Variants in TUT7 observed in about 807,000 individuals in gnomAD.
TUT7 encodes the protein terminal uridylyl transferase 7.
TUT7 carries 33 observed loss-of-function variants against 165.9 expected under a neutral mutation model. The observed-to-expected ratio is 0.20, with a 90% confidence interval of 0.15 to 0.27. The LOEUF (loss-of-function observed/expected upper bound fraction) is 0.27, where lower values mean the gene tolerates loss of function less well. Ranked by LOEUF, TUT7 falls within the 10% of genes least tolerant of loss-of-function variation. The pLI, the probability that TUT7 is intolerant of heterozygous loss-of-function variation, is 1.00. For synonymous variants in TUT7, 552 were observed against 608.1 expected (o/e 0.91, Z 1.36); for missense variants, 1,338 against 1,762.3 (o/e 0.76, Z 4.31).
intron 9 of TUT7, among the ~76,000 whole-genome samples, chr9:86,338,151 T>C (rs974641171): frequency 1.3e-5 from 2 of 152,190 alleles, no homozygotes; most frequent in African/African-American, 2.4e-5. Flanking sequence ...TCTATTGTTA[T>C]TGATATACCT....
chr9:86,298,714 A>G (rs1326227094), intron 26 of TUT7: 2 of 875,388 alleles, frequency 2.3e-6, no homozygotes, highest in East Asian at 1.2e-4. Context: ...GCATGTGGTA[A>G]AGTATGCAGT....
In TUT7 at chr9:86,346,348, T is replaced by G; in HGVS notation, c.653A>C (p.Gln218Pro). 1 of 1,614,144 alleles carries G rather than the reference T, an allele frequency of 6.2e-7. No homozygotes were observed. Among genetic ancestry groups the G allele is most frequent in the East Asian group, 2.2e-5 (1 of 44,876 alleles). ...VLSTKELLGL[Q>P]QAEERLKRDC... ...TCTCTTCAGTCTCTCCTCAGCCTGC[T>G]GTAAGCCTAGCAGCTCCTTCGTTGA... is the stretch of plus-strand genomic sequence containing the variant. The change falls in exon 3 of 27, where the codon CAG becomes CCG. Residue 218 changes from glutamine (Q) to proline (P), a missense_variant. This residue lies in a region of TUT7 where 434 missense variants were observed against 480.8 expected (regional missense o/e 0.90). Transcript: ENST00000375963.
Position 86,322,352 on chromosome 9 carries a change from A to G in TUT7, c.3001T>C (p.Leu1001=). The part of the protein sequence containing the change: ...PPLTPKFLNI[L]DQVCIQCYKD... ...TAACACTGGATACAGACTTGATCTA[A>G]GATATTTAAAAACTTGGGTGTTAAT... is the stretch of plus-strand genomic sequence containing the variant. Residue 1001 remains leucine, a synonymous_variant, in exon 14 of 27, where the codon TTA becomes CTA. Transcript: ENST00000375963. The G allele has an allele frequency of 6.2e-7, 1 of 1,614,046 alleles. No homozygotes were observed.
rs1198161562 is a variant in TUT7, at chr9:86,323,639, A to C, written c.2111T>G (p.Phe704Cys). ...PLTLKETAES[F>C]GSPPKEEMGN... is the part of the protein sequence containing the mutation. ...CATTTCTTCTTTTGGTGGGCTTCCA[A>C]AACTTTCAGCAGTCTCTTTAAGAGT... Residue 704 changes from phenylalanine (F) to cysteine (C), a missense_variant, in exon 13 of 27, where the codon TTT becomes TGT. Transcript: ENST00000375963. The C allele has an allele frequency of 6.2e-7, 1 of 1,614,236 alleles. No individual in the cohort carries two copies. Among genetic ancestry groups the C allele is most frequent in the East Asian group, 2.2e-5 (1 of 44,886 alleles).
At position 86,301,330 on chromosome 9, in the gene TUT7, A is replaced by C. The variant is rs745350559; in HGVS notation, c.4366T>G (p.Cys1456Gly). 6.2e-7 allele frequency: 1 copy of C among 1,614,178 alleles called. No individual in the cohort carries two copies. Among genetic ancestry groups the C allele is most frequent in the South Asian group, 1.1e-5 (1 of 91,082 alleles). ...KDLREKRCFICGREGHIKKEC... is the reference protein window; with the variant it reads ...KDLREKRCFIGGREGHIKKEC... Reference sequence around the variant, plus strand: ...TTTTTAATGTGCCCTTCTCTTCCACAAATAAAACAACGTTTTTCTCTTAAG... The same window carrying C: ...TTTTTAATGTGCCCTTCTCTTCCACCAATAAAACAACGTTTTTCTCTTAAG... The change falls in exon 26 of 27, where the codon TGT becomes GGT. Residue 1456 changes from cysteine to glycine, a missense_variant. Around this residue, in one of 7 missense-constraint regions of TUT7, gnomAD observed 167 missense variants for 204.9 expected, o/e 0.82. Transcript: ENST00000375963.
In TUT7 at chr9:86,288,603, T is replaced by C. The variant is rs11141333; in HGVS notation, c.*74A>G. 3.7e-4 allele frequency: 431 copies of C among 1,157,072 alleles called. 2 individuals are homozygous for C. The African/African-American group carries it at 5.6e-3, about 15-fold the overall frequency. The allele number at this position is 1,157,072 out of a possible 1,614,324, so 71.7% of individuals were successfully genotyped here. On this transcript the variant is annotated 3_prime_UTR_variant, in exon 27 of 27. Coordinates refer to ENST00000375963, the MANE Select transcript of TUT7 (RefSeq NM_024617.4). Reference sequence around the variant, plus strand: ...AAGCCTGATCTACACTGCTGTGTCCTGTGAAATGAACCTAATTTTCCGAGT... The same window carrying C: ...AAGCCTGATCTACACTGCTGTGTCCCGTGAAATGAACCTAATTTTCCGAGT...
intron 26 of TUT7, among the ~76,000 whole-genome samples, chr9:86,296,554 G>A (rs1337158289): frequency 6.6e-6 from 1 of 152,204 alleles, no homozygotes; most frequent in Non-Finnish European, 1.5e-5. Flanking sequence ...GATGGGGGTA[G>A]GTATCAGGAG....
At chr9:86,317,361 T>C in intron 16 of TUT7, 85 bp from the exon 17 acceptor site, 1 of 1,083,400 alleles carries the variant, frequency 9.2e-7, no homozygotes, top group Non-Finnish European at 1.4e-6. Context: ...CCTTCAGAAA[T>C]AATGTAATTA....
At position 86,320,343 on chromosome 9, in the gene TUT7, C is replaced by T. The variant is rs149116919; in HGVS notation, c.3029-673G>A. ...ATGATGAAGCCATGTGAAACAAGTTCCTTCATTTTAAGCAGCTGAACATCT... is the reference window on the plus strand; with the variant it reads ...ATGATGAAGCCATGTGAAACAAGTTTCTTCATTTTAAGCAGCTGAACATCT... On this transcript the variant is annotated intron_variant, in intron 14 of 26. Transcript: ENST00000375963. Among the ~76,000 whole-genome samples the T allele has an allele frequency of 1.3e-4, 20 of 150,794 alleles. No individual in the cohort carries two copies. In the East Asian group the frequency reaches 3.9e-3, roughly 29 times the overall value.
chr9:86,329,429 A>C lies in TUT7; in HGVS notation c.1456-937T>G. On this transcript the variant is annotated intron_variant, in intron 10 of 26. Transcript: ENST00000375963. ...TTCCAGCTACTCAGGAGGCTGAGGC[A>C]GAAGAATTGTTTGACCCTGGGAGGC... is the stretch of plus-strand genomic sequence containing the variant. Among the ~76,000 whole-genome samples, 2 of 152,048 alleles carry C rather than the reference A, an allele frequency of 1.3e-5. 1 individual carries two copies. The highest frequency in any genetic ancestry group is 1.3e-4 in the Admixed American group (2 of 15,274).
chr9:86,313,126 T>TAAATA (rs1554697541), intron 17 of TUT7, among the ~76,000 whole-genome samples: 2 of 142,550 alleles, frequency 1.4e-5, no homozygotes, highest in East Asian at 2.1e-4. Context: ...GAATGATCAA[T>TAAATA]AATAAATAAA....
At chr9:86,290,924 G>A (rs1290506907) in intron 26 of TUT7, among the ~76,000 whole-genome samples, 2 of 151,978 alleles carry the variant, frequency 1.3e-5, no homozygotes, top group African/African-American at 4.8e-5. Context: ...TGGATTAAAG[G>A]TCTAAATAGA....
chr9:86,301,566 T>C lies in TUT7; in HGVS notation c.4130A>G (p.Asn1377Ser), dbSNP rs1366311845. Residue 1377 changes from asparagine to serine, a missense_variant, in exon 26 of 27, where the codon AAC (asparagine) becomes AGC (serine). By Grantham distance (46) the Asn-to-Ser change is conservative (BLOSUM62 1). Around this residue, in one of 7 missense-constraint regions of TUT7, gnomAD observed 167 missense variants for 204.9 expected, o/e 0.82. Coordinates refer to ENST00000375963, the MANE Select transcript of TUT7 (RefSeq NM_024617.4). ...RRRRDQEDAL[N>S]QRYPENKEKR... ...TTCCTTGTTCTCAGGGTATCTTTGG[T>C]TCAGGGCATCTTCCTGATCTCGCCG... The C allele has an allele frequency of 4.3e-6, 7 of 1,613,824 alleles. No individual in the cohort carries two copies. The highest frequency in any genetic ancestry group is 3.3e-4 in the Middle Eastern group (2 of 6,084).
intron 26 of TUT7, among the ~76,000 whole-genome samples, chr9:86,295,812 A>G (rs1284235351): frequency 6.8e-6 from 1 of 146,282 alleles, no homozygotes; most frequent in Admixed American, 7.0e-5. Context: ...TCAAGCCATG[A>G]GATTAAAATG....
chr9:86,339,243 C>T (rs935147449), intron 8 of TUT7, among the ~76,000 whole-genome samples: 3 of 152,042 alleles, frequency 2.0e-5, no homozygotes, highest in Non-Finnish European at 4.4e-5. Context: ...TCAAATGTTT[C>T]GGGCCAGGCA....
intron 17 of TUT7, among the ~76,000 whole-genome samples, chr9:86,312,276 C>T (rs530854472): frequency 4.1e-4 from 62 of 151,984 alleles, no homozygotes; most frequent in South Asian, 1.7e-3. Flanking sequence ...TCTGCCGCCC[C>T]GTCCGGGATG....
chr9:86,315,352 G>A (rs1271639806), intron 17 of TUT7, among the ~76,000 whole-genome samples: 6 of 152,216 alleles, frequency 3.9e-5, no homozygotes, highest in Admixed American at 6.5e-5. Context: ...TCCTTCTTAG[G>A]AAATATATAC....
At chr9:86,345,857 A>G in intron 3 of TUT7, 72 bp from the exon 4 acceptor site, 1 of 1,105,176 alleles carries the variant, frequency 9.0e-7, no homozygotes, top group Non-Finnish European at 1.4e-6. Flanking sequence ...AAAATCAGCC[A>G]GGAAATGATT....
intron 14 of TUT7, among the ~76,000 whole-genome samples, chr9:86,319,879 CTG>C: frequency 6.6e-6 from 1 of 152,244 alleles, no homozygotes; most frequent in South Asian, 2.1e-4. Flanking sequence ...GTCGGCCAGG[CTG>C]CAGTGCAGTA....
Sources: gnomAD v4.1 joint callset for allele counts (sites outside exome capture counted in the v4.1 genomes callset) on GRCh38, gnomAD v4.1.1 for gene constraint, gnomAD v4.1.1 regional missense constraint, MANE v1.5 for transcripts, NCBI Gene and HGNC (gene_info 2026-07-23, HGNC 2026-07-21) for gene names.